The following CNTNAP2 variants were observed in gnomAD, a reference collection of about 807,000 sequenced individuals.
CNTNAP2 encodes contactin associated protein 2.
CNTNAP2 carries 98 observed loss-of-function variants against 155.2 expected under a neutral mutation model. The observed-to-expected ratio is 0.63, with a 90% CI of 0.54 to 0.75. The LOEUF (loss-of-function observed/expected upper bound fraction) is 0.75, where lower values mean the gene tolerates loss of function less well. Among genes scored for constraint, CNTNAP2 ranks in the 30% least tolerant of loss-of-function variants. The pLI is 0.00. For synonymous variants in CNTNAP2, 651 were observed against 631.2 expected (o/e 1.03, Z -0.47); for missense variants, 1,727 against 1,688.1 (o/e 1.02, Z -0.40).
chr7:146,752,401 T>C (rs2129182695), intron 1 of CNTNAP2, among the ~76,000 whole-genome samples: 1 of 152,296 alleles, frequency 6.6e-6, no homozygotes, highest in East Asian at 1.9e-4. Flanking sequence ...TTTTCCTATG[T>C]TTCTTGGCCG....
At chr7:146,771,959 A>G (rs1453097412) in intron 1 of CNTNAP2, among the ~76,000 whole-genome samples, 4 of 152,096 alleles carry the variant, frequency 2.6e-5, no homozygotes, top group Non-Finnish European at 5.9e-5. Context: ...GTGTTGTGGC[A>G]TGTTATAATA....
At chr7:146,460,122 G>A (rs937061197) in intron 1 of CNTNAP2, among the ~76,000 whole-genome samples, 1 of 152,154 alleles carries the variant, frequency 6.6e-6, no homozygotes, top group African/African-American at 2.4e-5. Context: ...CCAAATCTCA[G>A]GAGAATGTTG....
At chr7:146,818,116 C>T (rs908996556) in intron 2 of CNTNAP2, among the ~76,000 whole-genome samples, 5 of 151,890 alleles carry the variant, frequency 3.3e-5, no homozygotes, top group Admixed American at 6.6e-5. Context: ...CTCAAATTTT[C>T]TTTCTTTTCT....
chr7:146,226,224 G>A (rs958303816), intron 1 of CNTNAP2, among the ~76,000 whole-genome samples: 3 of 152,186 alleles, frequency 2.0e-5, no homozygotes, highest in African/African-American at 4.8e-5. Context: ...CTACCAGGTT[G>A]AGGAATGAAG....
intron 1 of CNTNAP2, among the ~76,000 whole-genome samples, chr7:146,552,067 A>T (rs1160118148): frequency 6.6e-6 from 1 of 152,118 alleles, no homozygotes; most frequent in Non-Finnish European, 1.5e-5. Flanking sequence ...GAAGGGTCCT[A>T]TAATACTCTG....
intron 3 of CNTNAP2, among the ~76,000 whole-genome samples, chr7:146,872,285 C>T (rs1041686859): frequency 6.8e-6 from 1 of 147,230 alleles, no homozygotes; most frequent in Non-Finnish European, 1.5e-5. Context: ...AAAAAACAAA[C>T]TTAATAAAAC....
At chr7:147,301,405 T>A (rs986051261) in intron 9 of CNTNAP2, among the ~76,000 whole-genome samples, 5 of 152,210 alleles carry the variant, frequency 3.3e-5, no homozygotes, top group African/African-American at 1.2e-4. Flanking sequence ...ATTAGATTAT[T>A]GTGTTTCCTG....
intron 1 of CNTNAP2, among the ~76,000 whole-genome samples, chr7:146,367,561 A>G (rs190416810): frequency 6.6e-6 from 1 of 152,124 alleles, no homozygotes; most frequent in Non-Finnish European, 1.5e-5. Flanking sequence ...AAGCACATAC[A>G]TTCCTCATCT....
chr7:146,301,510 C>T (rs2129088426), intron 1 of CNTNAP2, among the ~76,000 whole-genome samples: 1 of 152,000 alleles, frequency 6.6e-6, no homozygotes, highest in Non-Finnish European at 1.5e-5. Context: ...CCTGCAGTCC[C>T]AGCTGCTAGG....
At chr7:146,228,616 C>G (rs1350805305) in intron 1 of CNTNAP2, among the ~76,000 whole-genome samples, 1 of 152,096 alleles carries the variant, frequency 6.6e-6, no homozygotes, top group Non-Finnish European at 1.5e-5. Flanking sequence ...AGAATGAGTA[C>G]TACAGAATTT....
At chr7:146,829,563 G>C (rs758194911) in intron 2 of CNTNAP2, among the ~76,000 whole-genome samples, 1 of 151,878 alleles carries the variant, frequency 6.6e-6, no homozygotes, top group Admixed American at 6.6e-5. Context: ...AAGTCGAAAA[G>C]TATTTTTTTT....
intron 1 of CNTNAP2, among the ~76,000 whole-genome samples, chr7:146,179,659 G>T (rs973399027): frequency 2.0e-5 from 3 of 152,116 alleles, no homozygotes; most frequent in Non-Finnish European, 4.4e-5. Context: ...AGTCCCAGAA[G>T]ATTAAGTGAA....
chr7:146,958,412 T>C (rs1797483528), intron 3 of CNTNAP2, among the ~76,000 whole-genome samples: 2 of 133,510 alleles, frequency 1.5e-5, no homozygotes, highest in Admixed American at 7.3e-5. Flanking sequence ...TTATGGTTTT[T>C]TTTTTTTTTT....
intron 1 of CNTNAP2, among the ~76,000 whole-genome samples, chr7:146,317,863 CG>C (rs1800934997): frequency 6.6e-6 from 1 of 152,120 alleles, no homozygotes; most frequent in Non-Finnish European, 1.5e-5. Context: ...TGAAATTGGC[CG>C]GGCATGGCGG....
chr7:146,363,359 T>C (rs4437559), intron 1 of CNTNAP2, among the ~76,000 whole-genome samples: 30,461 of 152,094 alleles, frequency 0.2, 6,062 homozygotes, highest in African/African-American at 0.51. Flanking sequence ...TCTATTTACA[T>C]CAATAATTTA....
intron 1 of CNTNAP2, among the ~76,000 whole-genome samples, chr7:146,449,866 A>G (rs1458771238): frequency 6.6e-6 from 1 of 152,306 alleles, no homozygotes; most frequent in East Asian, 1.9e-4. Flanking sequence ...CTGTCAGCAC[A>G]GAACCATGTT....
At chr7:148,009,938 G>T (rs1486247482) in intron 15 of CNTNAP2, among the ~76,000 whole-genome samples, 5 of 151,920 alleles carry the variant, frequency 3.3e-5, no homozygotes, top group African/African-American at 1.2e-4. Flanking sequence ...GTAGTCATGT[G>T]CAAGAATTTC....
intron 1 of CNTNAP2, among the ~76,000 whole-genome samples, chr7:146,336,311 C>A (rs7793489): frequency 6.6e-6 from 1 of 151,762 alleles, no homozygotes; most frequent in African/African-American, 2.4e-5. Flanking sequence ...CAGGAGCTCT[C>A]GGTAATTTAC....
At chr7:147,227,304 A>G (rs1563124660) in intron 8 of CNTNAP2, among the ~76,000 whole-genome samples, 2 of 152,104 alleles carry the variant, frequency 1.3e-5, no homozygotes, top group African/African-American at 4.8e-5. Context: ...GACCTGGAGA[A>G]TATCTAGACT....
Sources: allele counts gnomAD v4.1 joint callset (sites outside exome capture counted in the v4.1 genomes callset), GRCh38; gene constraint gnomAD v4.1.1; transcripts MANE v1.5; gene names NCBI Gene and HGNC (gene_info 2026-07-23, HGNC 2026-07-21).